Variants in MUC5B observed in about 807,000 individuals in gnomAD.
MUC5B encodes mucin-5B.
MUC5B carries 116 observed loss-of-function variants against 376.9 expected under a neutral mutation model. That is an observed-to-expected ratio of 0.31 (90% CI 0.26 to 0.36). The LOEUF is 0.36. Among genes scored for constraint, MUC5B ranks in the 10% least tolerant of loss-of-function variants. MUC5B has a pLI of 1.00. For synonymous variants in MUC5B, 3,517 were observed against 3,390.9 expected (o/e 1.04, Z -1.29); for missense variants, 7,165 against 7,769.9 (o/e 0.92, Z 2.93).
At position 1,231,513 on chromosome 11, in the gene MUC5B, T is replaced by C; in HGVS notation, c.1631T>C (p.Met544Thr). ...CTGCTGGTGCAGCTGGTGCCACTCA[T>C]GCAGGTGTTTGTCAGGCTGGACCCC... is the stretch of plus-strand genomic sequence containing the variant. ...LQLLVQLVPL[M>T]QVFVRLDPAH... Residue 544 changes from methionine to threonine, a missense_variant, in exon 14 of 49, where the codon ATG becomes ACG. By Grantham distance (81) the Met-to-Thr change is moderately conservative. Around this residue, in one of 31 missense-constraint regions of MUC5B, gnomAD observed 640 missense variants for 733.0 expected, o/e 0.87. Coordinates refer to ENST00000529681, the MANE Select transcript of MUC5B (RefSeq NM_002458.3). The C allele has an allele frequency of 6.2e-7, 1 of 1,602,870 alleles. No individual in the cohort carries two copies. Among genetic ancestry groups the C allele is most frequent in the African/African-American group, 1.3e-5 (1 of 74,818 alleles).
chr11:1,256,687 C>G lies in MUC5B; in HGVS notation c.16153C>G (p.Leu5385Val). 1.9e-6 allele frequency: 3 copies of G among 1,568,116 alleles called. No homozygotes were observed. Among genetic ancestry groups the G allele is most frequent in the Middle Eastern group, 1.7e-4 (1 of 5,986 alleles). Residue 5385 changes from leucine to valine, a missense_variant, in exon 39 of 49, where the codon CTG (leucine) becomes GTG (valine). Leu to Val is a conservative substitution (Grantham distance 32). Transcript: ENST00000529681. ...ATCCTGCAGGAACCAGAGCCCACAG[C>G]TGGAGGGGATGGCGGAGGGCTGCTT... ...TCNSRNQSPQ[L>V]EGMAEGCFCP...
rs1224308535 is a variant in MUC5B at position 1,250,826 on chromosome 11, C to A, written c.13946C>A (p.Ala4649Asp). ...TCCATCCCGGGGACCACCCACACCG[C>A]CAGAGTGCTGACCACCACCACCACA... ...PSSIPGTTHT[A>D]RVLTTTTTTV... is the part of the protein sequence containing the mutation. Residue 4649 changes from alanine (A) to aspartate (D), a missense_variant, in exon 31 of 49, where the codon GCC becomes GAC. Ala to Asp is a moderately radical substitution (Grantham distance 126). Coordinates refer to ENST00000529681, the MANE Select transcript of MUC5B (RefSeq NM_002458.3). 3 of 1,613,100 alleles carry A rather than the reference C, an allele frequency of 1.9e-6. No homozygotes were observed. Among genetic ancestry groups the A allele is most frequent in the South Asian group, 1.1e-5 (1 of 91,020 alleles).
In MUC5B at chr11:1,252,420, C is replaced by T. The variant is rs747356736; in HGVS notation, c.14941C>T (p.Arg4981Cys). 8.1e-6 allele frequency: 13 copies of T among 1,611,100 alleles called. No homozygotes were observed. Among genetic ancestry groups the T allele is most frequent in the South Asian group, 4.4e-5 (4 of 90,878 alleles). ...GTGCAATCAGCACTGTGACATTGAC[C>T]GCTTCCAGGGCGCCTGTCCCACCTC... ...AVCNQHCDID[R>C]FQGACPTSPP... Residue 4981 changes from arginine to cysteine, a missense_variant, in exon 32 of 49, where the codon CGC becomes TGC. Arg to Cys is a radical substitution (Grantham distance 180). Around this residue, in one of 31 missense-constraint regions of MUC5B, gnomAD observed 730 missense variants for 592.7 expected, o/e 1.23. Coordinates refer to ENST00000529681, the MANE Select transcript of MUC5B (RefSeq NM_002458.3).
At chr11:1,239,645 G>C (rs776597199) in intron 27 of MUC5B, 79 bp downstream of exon 27, 918 of 1,508,676 alleles carry the variant, frequency 6.1e-4, no homozygotes, top group Non-Finnish European at 7.8e-4. Flanking sequence ...GATCCCCAGG[G>C]ACGCGGTGTA....
chr11:1,259,695 C>A (rs1008699856), intron 44 of MUC5B, 61 bp from the exon 45 acceptor site: 3 of 1,569,406 alleles, frequency 1.9e-6, no homozygotes, highest in Non-Finnish European at 2.6e-6. Flanking sequence ...GGAGGGCAGG[C>A]TGGGCCGGGG....
In MUC5B at chr11:1,225,459, C is replaced by T. The variant is rs1166047835; in HGVS notation, c.71-222C>T. ...GGCTTTCCATAGCATTGAGCAGGAG[C>T]GGAGGCATCTGCGGCTGACGGTTGG... On this transcript the variant is annotated intron_variant, in intron 1 of 48. Transcript: ENST00000529681. Among the ~76,000 whole-genome samples the T allele has an allele frequency of 5.9e-5, 9 of 152,218 alleles. No individual in the cohort carries two copies. In the South Asian group the frequency reaches 1.0e-3, roughly 18 times the overall value.
At chr11:1,228,897 T>C in intron 8 of MUC5B, 132 bp downstream of exon 8, 1 of 289,246 alleles carries the variant, frequency 3.5e-6, no homozygotes, top group Non-Finnish European at 4.9e-6. Context: ...CCAGGCATAG[T>C]GGGCAGAGGC....
Position 1,251,459 on chromosome 11 carries a change from C to G in MUC5B, c.14579C>G (p.Pro4860Arg), listed in dbSNP as rs1482395687. The change falls in exon 31 of 49, where the codon CCC becomes CGC. Residue 4860 changes from proline (P) to arginine (R), a missense_variant. By Grantham distance (103) the Pro-to-Arg change is moderately radical. Transcript: ENST00000529681. ...AGCACTATAGCCACCGTGATGGTGC[C>G]CACCGGTTCCACGGCCACCGCCTCC... is the stretch of plus-strand genomic sequence containing the variant. ...EPSTIATVMV[P>R]TGSTATASST... is the part of the protein sequence containing the mutation. 1.9e-6 allele frequency: 3 copies of G among 1,612,128 alleles called. No individual in the cohort carries two copies. Among genetic ancestry groups the G allele is most frequent in the Non-Finnish European group, 2.5e-6 (3 of 1,178,932 alleles).
intron 5 of MUC5B, 63 bp from the exon 6 acceptor site, chr11:1,227,245 G>C: frequency 6.4e-7 from 1 of 1,573,282 alleles, no homozygotes; most frequent in Non-Finnish European, 8.7e-7. Context: ...ACGGGGCTTG[G>C]GGCATGTTGC....
At chr11:1,231,707 G>T in intron 14 of MUC5B, 147 bp downstream of exon 14, 1 of 1,119,808 alleles carries the variant, frequency 8.9e-7, no homozygotes. Context: ...TGGTGCCAGC[G>T]CAGGACACCA....
chr11:1,232,608 G>A, intron 16 of MUC5B, 36 bp from the exon 17 acceptor site: 2 of 1,601,974 alleles, frequency 1.2e-6, no homozygotes, highest in South Asian at 2.2e-5. Flanking sequence ...TGGCAGGCTG[G>A]GGTCCCTGAC....
chr11:1,248,556 C>T lies in MUC5B; in HGVS notation c.11676C>T (p.Ser3892=), dbSNP rs1862566083. The T allele has an allele frequency of 1.2e-6, 2 of 1,613,234 alleles. No homozygotes were observed. Among genetic ancestry groups the T allele is most frequent in the Non-Finnish European group, 8.5e-7 (1 of 1,179,690 alleles). The change falls in exon 31 of 49, where the codon AGC becomes AGT. Residue 3892 remains serine (S), a synonymous_variant. Coordinates refer to ENST00000529681, the MANE Select transcript of MUC5B (RefSeq NM_002458.3). The part of the protein sequence containing the change: ...GTARTPPVWI[S]TTTTPTTSGS... ...CACGCACGCCTCCAGTGTGGATCAG[C>T]ACAACCACCACACCCACAACCAGTG...
At position 1,256,417 on chromosome 11, in the gene MUC5B, C is replaced by T. The variant is rs373154685; in HGVS notation, c.16136+192C>T. Among the ~76,000 whole-genome samples the T allele has an allele frequency of 7.2e-4, 109 of 152,022 alleles. 3 individuals are homozygous for T. In the South Asian group the frequency reaches 0.02, roughly 27 times the overall value. On this transcript the variant is annotated intron_variant, in intron 38 of 48. Transcript: ENST00000529681. ...AGACAGAGTCAGGCAGGGGGCGCAT[C>T]CCTGGCCACGCCTGGCCCCGCATCC...
chr11:1,257,428 G>A lies in MUC5B; in HGVS notation c.16270-102G>A. The A allele has an allele frequency of 7.1e-6, 10 of 1,403,218 alleles. No individual in the cohort carries two copies. The highest frequency in any genetic ancestry group is 2.5e-5 in the South Asian group (2 of 80,158). 86.9% of individuals were successfully genotyped at this position (1,403,218 alleles called of 1,614,324 possible). A position where few individuals can be genotyped will look rare whatever the true frequency, so the allele number is the denominator to read the frequency against. On this transcript the variant is annotated intron_variant, in intron 40 of 48. Coordinates refer to ENST00000529681, the MANE Select transcript of MUC5B (RefSeq NM_002458.3). This position sits in a 1 kb window ranked among gnomAD's most constrained non-coding sequence, Gnocchi z 8.9. Reference sequence around the variant, plus strand: ...TGCGCTTCCTGCCCCATCACTCTGGGCCACTCGGGTACCAGCCCGAGGGAG... The same window carrying A: ...TGCGCTTCCTGCCCCATCACTCTGGACCACTCGGGTACCAGCCCGAGGGAG...
chr11:1,260,152 G>A, intron 46 of MUC5B, 67 bp downstream of exon 46: 4 of 1,578,400 alleles, frequency 2.5e-6, no homozygotes, highest in Non-Finnish European at 3.4e-6. Context: ...ACCCCTGTCT[G>A]GGATGCCCTG....
rs754050205 is a variant in MUC5B, at chr11:1,251,211, A to T, written c.14331A>T (p.Thr4777=). 1 of 1,609,860 alleles carries T rather than the reference A, an allele frequency of 6.2e-7. No homozygotes were observed. The highest frequency in any genetic ancestry group is 8.5e-7 in the Non-Finnish European group (1 of 1,177,794). Residue 4777 remains threonine, a synonymous_variant, in exon 31 of 49, where the codon ACA becomes ACT. Coordinates refer to ENST00000529681, the MANE Select transcript of MUC5B (RefSeq NM_002458.3). ...CCACACCCATGTCCACCATGTCCACAATCCACACCTCCTCTACTCCAGAGA... is the reference window on the plus strand; with the variant it reads ...CCACACCCATGTCCACCATGTCCACTATCCACACCTCCTCTACTCCAGAGA... ...QTTTPMSTMS[T]IHTSSTPETT... is the part of the protein sequence containing the mutation.
rs751528862 is a variant in MUC5B at position 1,259,810 on chromosome 11, G to A, written c.16768G>A (p.Ala5590Thr). The A allele has an allele frequency of 1.9e-5, 30 of 1,612,240 alleles. No homozygotes were observed. The highest frequency in any genetic ancestry group is 1.8e-4 in the East Asian group (8 of 44,892). ...GQCCGECVQT[A>T]CLTPDGQPVQ... Reference sequence around the variant, plus strand: ...GTGCTGTGGGGAGTGCGTCCAGACCGCCTGCCTCACGCCCGATGGCCAGCC... The same window carrying A: ...GTGCTGTGGGGAGTGCGTCCAGACCACCTGCCTCACGCCCGATGGCCAGCC... Residue 5590 changes from alanine (A) to threonine (T), a missense_variant, in exon 45 of 49, where the codon GCC (alanine) becomes ACC (threonine). Around this residue, in one of 31 missense-constraint regions of MUC5B, gnomAD observed 842 missense variants for 1,016.9 expected, o/e 0.83. Coordinates refer to ENST00000529681, the MANE Select transcript of MUC5B (RefSeq NM_002458.3).
At position 1,242,573 on chromosome 11, in the gene MUC5B, C is replaced by T; in HGVS notation, c.5693C>T (p.Ser1898Phe). ...TPATSSTATP[S>F]STPGTTWILT... is the part of the protein sequence containing the mutation. ...GCCACCAGCTCCACGGCCACGCCCT[C>T]CTCAACTCCGGGGACGACCTGGATC... The change falls in exon 31 of 49, where the codon TCC becomes TTC. Residue 1898 changes from serine (S) to phenylalanine (F), a missense_variant. Around this residue, in one of 31 missense-constraint regions of MUC5B, gnomAD observed 897 missense variants for 779.6 expected, o/e 1.15. Transcript: ENST00000529681. 6.2e-7 allele frequency: 1 copy of T among 1,613,832 alleles called. No homozygotes were observed. The highest frequency in any genetic ancestry group is 8.5e-7 in the Non-Finnish European group (1 of 1,179,818).
intron 7 of MUC5B, among the ~76,000 whole-genome samples, chr11:1,228,331 G>A (rs1033624814): frequency 1.3e-5 from 2 of 152,144 alleles, no homozygotes; most frequent in African/African-American, 4.8e-5. Flanking sequence ...TTTCTTGGGC[G>A]CTTACTCCAC....
Sources: allele counts gnomAD v4.1 joint callset (sites outside exome capture counted in the v4.1 genomes callset), GRCh38; gene constraint gnomAD v4.1.1; regional missense constraint gnomAD v4.1.1; non-coding constraint Gnocchi (gnomAD v3.1); transcripts MANE v1.5; gene names NCBI Gene and HGNC (gene_info 2026-07-23, HGNC 2026-07-21).